CDKN2A: variants seen among roughly 807,000 people sequenced by gnomAD.
CDKN2A encodes the protein cyclin-dependent kinase inhibitor 2A.
CDKN2A carries 3 observed loss-of-function variants against 11.1 expected under a neutral mutation model. That is an observed-to-expected ratio of 0.27 (90% CI 0.12 to 0.70). The LOEUF (loss-of-function observed/expected upper bound fraction) is 0.70, where lower values mean the gene tolerates loss of function less well. Among genes scored for constraint, CDKN2A ranks in the 30% least tolerant of loss-of-function variants. The pLI is 0.77. For missense variants in CDKN2A, 265 were observed against 233.6 expected (o/e 1.13, Z -0.88); for synonymous variants, 122 against 108.1 (o/e 1.13, Z -0.80).
rs1819489095 is a variant in CDKN2A, at chr9:21,967,934, C to T, written c.*295G>A. 4.7e-6 allele frequency: 2 copies of T among 426,808 alleles called. No individual in the cohort carries two copies. The highest frequency in any genetic ancestry group is 7.6e-5 in the Admixed American group (2 of 26,208). The allele number at this position is 426,808 out of a possible 1,614,324, so 26.4% of individuals were successfully genotyped here. A position where few individuals can be genotyped will look rare whatever the true frequency, so the allele number is the denominator to read the frequency against. On this transcript the variant is annotated 3_prime_UTR_variant, in exon 3 of 3. Coordinates refer to ENST00000304494, the MANE Select transcript of CDKN2A (RefSeq NM_000077.5). ...CAAGAAATGCCCACATGAATGTGCG[C>T]TTAGGGCGTGAGTGCTCACTCCAGA...
chr9:21,974,465 G>T lies in CDKN2A; in HGVS notation c.150+213C>A. The stretch of plus-strand genomic sequence containing the variant: ...TTCTCAGCATTCGAGAGATCTGTAC[G>T]CGCGTGGCTCCTCATTCCTCTTCCT... On this transcript the variant is annotated intron_variant, in intron 1 of 2. Transcript: ENST00000304494. The surrounding 1 kb of genome is among the most constrained non-coding windows in gnomAD (Gnocchi z 5.2). 1 of 1,611,366 alleles carries T rather than the reference G, an allele frequency of 6.2e-7. No homozygotes were observed. Among genetic ancestry groups the T allele is most frequent in the Non-Finnish European group, 8.5e-7 (1 of 1,179,098 alleles).
intron 2 of CDKN2A, among the ~76,000 whole-genome samples, chr9:21,986,638 A>G (rs1338953148): frequency 6.6e-6 from 1 of 152,050 alleles, no homozygotes; most frequent in Non-Finnish European, 1.5e-5. Flanking sequence ...ACATAAGGAT[A>G]TTGTGATAAT....
upstream of CDKN2A, chr9:21,974,987 G>A: frequency 1.4e-6 from 2 of 1,391,194 alleles, no homozygotes; most frequent in Non-Finnish European, 1.9e-6. This position sits in a 1 kb window ranked among gnomAD's most constrained non-coding sequence, Gnocchi z 5.2. Flanking sequence ...CCTCTGGAGG[G>A]ACCGCGGTAT....
rs587780668 is a variant in CDKN2A, at chr9:21,974,795, AGGCTCCATGCTGCTCCCCGCCGCC to A, written c.9_32del (p.Ala4_Pro11del). Reference sequence around the variant, plus strand: ...CGGCCGTGGCCAGCCAGTCAGCCGAAGGCTCCATGCTGCTCCCCGCCGCCGGCTCCATGCTGCTCCCCGCCGCCC... The same window carrying A: ...CGGCCGTGGCCAGCCAGTCAGCCGAAGGCTCCATGCTGCTCCCCGCCGCCC... On this transcript the variant is annotated inframe_deletion, in exon 1 of 3. Coordinates refer to ENST00000304494, the MANE Select transcript of CDKN2A (RefSeq NM_000077.5). The surrounding 1 kb of genome is among the most constrained non-coding windows in gnomAD (Gnocchi z 5.2). The A allele has an allele frequency of 9.5e-5, 153 of 1,606,464 alleles. 1 individual carries two copies. Among genetic ancestry groups the A allele is most frequent in the Admixed American group, 9.0e-4 (54 of 59,888 alleles).
chr9:21,978,960 G>A (rs1820107924), upstream of CDKN2A, among the ~76,000 whole-genome samples: 1 of 152,074 alleles, frequency 6.6e-6, no homozygotes, highest in South Asian at 2.1e-4. Flanking sequence ...AGTTGTTTAG[G>A]GATTAAATGA....
At chr9:21,994,917 C>T (rs1407417110) in exon 1 of CDKN2A, 2 of 153,616 alleles carry the variant, frequency 1.3e-5, no homozygotes, top group Non-Finnish European at 2.9e-5. Flanking sequence ...CGAAAGTCTT[C>T]CATTCTTCAA....
chr9:21,992,841 A>C (rs914206673), intron 2 of CDKN2A, among the ~76,000 whole-genome samples: 4 of 152,146 alleles, frequency 2.6e-5, no homozygotes, highest in African/African-American at 4.8e-5. Flanking sequence ...CCACTGTTAA[A>C]AAAAACAACA....
upstream of CDKN2A, among the ~76,000 whole-genome samples, chr9:21,978,083 C>T (rs1820083174): frequency 7.9e-6 from 1 of 126,528 alleles, no homozygotes; most frequent in Non-Finnish European, 1.5e-5. Context: ...CCATTTTGCT[C>T]TAGAAATTGA....
At chr9:21,979,498 T>C (rs3731229), upstream of CDKN2A, among the ~76,000 whole-genome samples, 21 of 152,180 alleles carry the variant, frequency 1.4e-4, no homozygotes, top group African/African-American at 5.1e-4. Flanking sequence ...TTTTGAGGAC[T>C]TGAGGTCCCT....
At position 21,968,796 on chromosome 9, in the gene CDKN2A, A is replaced by G. The variant is rs1819540294; in HGVS notation, c.458-554T>C. The G allele has an allele frequency of 1.3e-6, 2 of 1,535,624 alleles. No individual in the cohort carries two copies. Among genetic ancestry groups the G allele is most frequent in the East Asian group, 2.4e-5 (1 of 40,924 alleles). On this transcript the variant is annotated intron_variant, in intron 2 of 2. Coordinates refer to ENST00000304494, the MANE Select transcript of CDKN2A (RefSeq NM_000077.5). This position sits in a 1 kb window ranked among gnomAD's most constrained non-coding sequence, Gnocchi z 4.7. ...TCTGAAACAAAATGGATGCTCATTT[A>G]TTCATGTGCTCTGGCTTCTGCCTTC...
In CDKN2A at chr9:21,974,019, T is replaced by G. The variant is rs1213858665; in HGVS notation, c.150+659A>C. On this transcript the variant is annotated intron_variant, in intron 1 of 2. Transcript: ENST00000304494. This position sits in a 1 kb window ranked among gnomAD's most constrained non-coding sequence, Gnocchi z 5.2. ...GATTCTCCTGCCTCAACCTCCCGAGTAGCTGGGATTACAGGCGCCTGCCAC... is the reference window on the plus strand; with the variant it reads ...GATTCTCCTGCCTCAACCTCCCGAGGAGCTGGGATTACAGGCGCCTGCCAC... Among the ~76,000 whole-genome samples, 1 of 152,014 alleles carries G rather than the reference T, an allele frequency of 6.6e-6. No homozygotes were observed. Among genetic ancestry groups the G allele is most frequent in the Non-Finnish European group, 1.5e-5 (1 of 68,016 alleles).
intron 1 of CDKN2A, among the ~76,000 whole-genome samples, chr9:21,971,846 C>T (rs1819781099): frequency 6.6e-6 from 1 of 151,948 alleles, no homozygotes; most frequent in Admixed American, 6.6e-5. Flanking sequence ...AGCTAAGTAA[C>T]CTATCCATCA....
chr9:21,976,710 C>T (rs1404046196), upstream of CDKN2A, among the ~76,000 whole-genome samples: 1 of 151,994 alleles, frequency 6.6e-6, no homozygotes, highest in African/African-American at 2.4e-5. Flanking sequence ...AAGAGCGAAA[C>T]TTGGTCTCAA....
In CDKN2A at chr9:21,988,785, A is replaced by T. The variant is rs372140300; in HGVS notation, c.-4+5097T>A. Reference sequence around the variant, plus strand: ...TGAAAAAAAATCTACGAGGCACTATATTTTTAAAAATACCACTATGTACAA... The same window carrying T: ...TGAAAAAAAATCTACGAGGCACTATTTTTTTAAAAATACCACTATGTACAA... On this transcript the variant is annotated intron_variant, in intron 2 of 3. Coordinates refer to the CDKN2A transcript ENST00000494262. The surrounding 1 kb of genome is among the most constrained non-coding windows in gnomAD (Gnocchi z 4.1). Among the ~76,000 whole-genome samples the T allele has an allele frequency of 2.0e-5, 3 of 152,212 alleles. No homozygotes were observed. Among genetic ancestry groups the T allele is most frequent in the East Asian group, 1.9e-4 (1 of 5,208 alleles).
chr9:21,974,392 TA>T lies in CDKN2A; in HGVS notation c.150+285del, dbSNP rs1819922833. The T allele has an allele frequency of 6.3e-7, 1 of 1,578,622 alleles. No individual in the cohort carries two copies. The highest frequency in any genetic ancestry group is 1.7e-5 in the Admixed American group (1 of 58,012). ...AAACGTTCGTAAATTTTGTATCTGA[TA>T]AAGAGCATACTTCCATCTAATACAA... On this transcript the variant is annotated intron_variant, in intron 1 of 2. Transcript: ENST00000304494. The surrounding 1 kb of genome is among the most constrained non-coding windows in gnomAD (Gnocchi z 5.2).
In CDKN2A at chr9:21,991,656, T is replaced by C. The variant is rs1820432965; in HGVS notation, c.-4+2226A>G. The C allele has an allele frequency of 1.0e-6, 1 of 984,432 alleles. No homozygotes were observed. The highest frequency in any genetic ancestry group is 4.7e-5 in the South Asian group (1 of 21,276). 61.0% of individuals were successfully genotyped at this position (984,432 alleles called of 1,614,324 possible). On this transcript the variant is annotated intron_variant, in intron 2 of 3. Transcript: ENST00000494262. The surrounding 1 kb of genome is among the most constrained non-coding windows in gnomAD (Gnocchi z 5.2). ...TTAACTCTATCATGGTAGTTGATAGTGATGAACTAACGTGGAATAATAGAT... is the reference window on the plus strand; with the variant it reads ...TTAACTCTATCATGGTAGTTGATAGCGATGAACTAACGTGGAATAATAGAT...
chr9:21,976,723 A>G (rs1435198726), upstream of CDKN2A, among the ~76,000 whole-genome samples: 1 of 152,174 alleles, frequency 6.6e-6, no homozygotes, highest in Non-Finnish European at 1.5e-5. Flanking sequence ...GGTCTCAAGA[A>G]AAAAAGAAAG....
At chr9:21,992,054 G>C (rs1242309566) in intron 2 of CDKN2A, 9 of 974,104 alleles carry the variant, frequency 9.2e-6, no homozygotes, top group Non-Finnish European at 1.1e-5. Flanking sequence ...CTGTGGTTAA[G>C]AAACTGGTAA....
chr9:21,969,101 A>G (rs1819561708), intron 2 of CDKN2A, among the ~76,000 whole-genome samples: 4 of 152,214 alleles, frequency 2.6e-5, no homozygotes, highest in Admixed American at 2.6e-4. Flanking sequence ...ATAGATTGTT[A>G]TCTTCCTTAA....
Sources: gnomAD v4.1 joint callset for allele counts (sites outside exome capture counted in the v4.1 genomes callset) on GRCh38, gnomAD v4.1.1 for gene constraint, Gnocchi (gnomAD v3.1) non-coding constraint, MANE v1.5 for transcripts, NCBI Gene and HGNC (gene_info 2026-07-23, HGNC 2026-07-21) for gene names.